MAGI2: variants seen among roughly 807,000 people sequenced by gnomAD.
MAGI2 encodes the protein membrane associated guanylate kinase, WW and PDZ domain containing 2.
In MAGI2, 35 loss-of-function variants were observed where a neutral mutation model predicts 133.3. The observed-to-expected ratio is 0.26, with a 90% confidence interval of 0.20 to 0.35. The LOEUF (loss-of-function observed/expected upper bound fraction) is 0.35. Among genes scored for constraint, MAGI2 ranks in the 10% least tolerant of loss-of-function variants. The probability of loss-of-function intolerance (pLI) is 1.00; values close to 1 mark genes in which losing one functional copy is unlikely to be tolerated. For missense variants in MAGI2, 1,636 were observed against 1,863.4 expected (o/e 0.88, Z 2.25); for synonymous variants, 729 against 710.6 (o/e 1.03, Z -0.41).
chr7:78,512,504 C>CA (rs1374081127), intron 4 of MAGI2, among the ~76,000 whole-genome samples: 1 of 152,190 alleles, frequency 6.6e-6, no homozygotes, highest in Admixed American at 6.5e-5. Context: ...CTCCCGGGTT[C>CA]AAGCGATTCT....
rs558081147 is a variant in MAGI2, at chr7:78,579,408, G to T, written c.538+47712C>A. On this transcript the variant is annotated intron_variant, in intron 3 of 21. Transcript: ENST00000354212. ...TGAAGACAAACAAGAAGCAGCAGAG[G>T]CAGGAAAGCTCTTTGCCTTCCATTT... is the stretch of plus-strand genomic sequence containing the variant. Among the ~76,000 whole-genome samples, 32 of 152,248 alleles carry T rather than the reference G, an allele frequency of 2.1e-4. No homozygotes were observed. The South Asian group carries it at 6.6e-3, about 32-fold the overall frequency.
rs71515391 is a variant in MAGI2 at position 78,161,667 on chromosome 7, T to TAAAAAAAAAAAAAAA, written c.2597-1409_2597-1395dup. On this transcript the variant is annotated intron_variant, in intron 15 of 21. Transcript: ENST00000354212. ...AGAGACGTTTTGTTACATCGATACC[T>TAAAAAAAAAAAAAAA]AAAAAAAAAAAAAAAAAAAAGAAAA... 1.1e-3 allele frequency among the ~76,000 whole-genome samples: 74 copies of TAAAAAAAAAAAAAAA among 68,894 alleles called. 3 individuals are homozygous for TAAAAAAAAAAAAAAA. Among genetic ancestry groups the TAAAAAAAAAAAAAAA allele is most frequent in the Middle Eastern group, 0.01 (1 of 98 alleles). 45.2% of individuals were successfully genotyped at this position (68,894 alleles called of 152,430 possible).
chr7:78,913,927 C>T (rs1212479167), intron 2 of MAGI2, among the ~76,000 whole-genome samples: 2 of 152,180 alleles, frequency 1.3e-5, no homozygotes, highest in African/African-American at 2.4e-5. Context: ...CTCCTACCCT[C>T]CCAATAAGAA....
intron 1 of MAGI2, among the ~76,000 whole-genome samples, chr7:79,192,449 A>G (rs995697253): frequency 2.0e-5 from 3 of 151,892 alleles, no homozygotes; most frequent in Non-Finnish European, 4.4e-5. Context: ...AATTTATAAT[A>G]TATTGAGGGT....
At chr7:79,372,281 G>A (rs1175496427) in intron 1 of MAGI2, among the ~76,000 whole-genome samples, 1 of 152,084 alleles carries the variant, frequency 6.6e-6, no homozygotes, top group African/African-American at 2.4e-5. Flanking sequence ...TTCAAAGAAT[G>A]AAACTATCCC....
chr7:78,299,184 A>G (rs1797610443), intron 9 of MAGI2, among the ~76,000 whole-genome samples: 1 of 152,212 alleles, frequency 6.6e-6, no homozygotes, highest in African/African-American at 2.4e-5. Flanking sequence ...AAAGTAAAAT[A>G]ACGTATGGCA....
At chr7:78,996,762 T>A (rs569576490) in intron 2 of MAGI2, among the ~76,000 whole-genome samples, 1 of 152,320 alleles carries the variant, frequency 6.6e-6, no homozygotes, top group East Asian at 1.9e-4. Context: ...TTGCCAATTC[T>A]GCAGGTACTA....
At chr7:79,270,005 T>C (rs576560616) in intron 1 of MAGI2, among the ~76,000 whole-genome samples, 1 of 152,184 alleles carries the variant, frequency 6.6e-6, no homozygotes, top group Non-Finnish European at 1.5e-5. Flanking sequence ...ACATCACTTC[T>C]GTAAAACTTA....
Position 78,161,667 on chromosome 7 carries a change from T to TAAAAAAAAAAAAAAAAAAAAAAA in MAGI2, c.2597-1395_2597-1394insTTTTTTTTTTTTTTTTTTTTTTT, listed in dbSNP as rs71515391. Among the ~76,000 whole-genome samples the TAAAAAAAAAAAAAAAAAAAAAAA allele has an allele frequency of 1.7e-3, 119 of 68,908 alleles. 5 individuals carry two copies. The highest frequency in any genetic ancestry group is 5.4e-3 in the East Asian group (10 of 1,866). The allele number at this position is 68,908 out of a possible 152,430, so 45.2% of individuals were successfully genotyped here. Reference sequence around the variant, plus strand: ...AGAGACGTTTTGTTACATCGATACCTAAAAAAAAAAAAAAAAAAAAGAAAA... The same window carrying TAAAAAAAAAAAAAAAAAAAAAAA: ...AGAGACGTTTTGTTACATCGATACCTAAAAAAAAAAAAAAAAAAAAAAAAAAAAAAAAAAAAAAAAAAAGAAAA... On this transcript the variant is annotated intron_variant, in intron 15 of 21. Transcript: ENST00000354212.
At chr7:78,647,795 A>C (rs1584955142) in intron 2 of MAGI2, among the ~76,000 whole-genome samples, 1 of 152,176 alleles carries the variant, frequency 6.6e-6, no homozygotes, top group Non-Finnish European at 1.5e-5. Context: ...GCCCATATAC[A>C]CCATGGAATA....
chr7:79,321,543 C>T (rs368543790), intron 1 of MAGI2, among the ~76,000 whole-genome samples: 1 of 152,288 alleles, frequency 6.6e-6, no homozygotes, highest in East Asian at 1.9e-4. Context: ...AAAGGCAGTG[C>T]TTCCATAACA....
At position 79,292,583 on chromosome 7, in the gene MAGI2, A is replaced by T. The variant is rs577371716; in HGVS notation, c.301+160437T>A. On this transcript the variant is annotated intron_variant, in intron 1 of 21. Transcript: ENST00000354212. Reference sequence around the variant, plus strand: ...GAGAAACAGAGGTTGCCGTGAGCTGAGAGCATGCCACTGCACTCCAGCCTG... The same window carrying T: ...GAGAAACAGAGGTTGCCGTGAGCTGTGAGCATGCCACTGCACTCCAGCCTG... Among the ~76,000 whole-genome samples, 78 of 151,984 alleles carry T rather than the reference A, an allele frequency of 5.1e-4. 2 individuals carry two copies. The South Asian group carries it at 5.6e-3, about 11-fold the overall frequency.
intron 6 of MAGI2, among the ~76,000 whole-genome samples, chr7:78,461,027 G>T (rs539848279): frequency 6.6e-6 from 1 of 151,466 alleles, no homozygotes; most frequent in African/African-American, 2.4e-5. Context: ...GCCTTTCTTC[G>T]TTCTTTCTAA....
chr7:79,422,575 T>A (rs573507495), intron 1 of MAGI2, among the ~76,000 whole-genome samples: 2 of 152,110 alleles, frequency 1.3e-5, no homozygotes, highest in South Asian at 4.1e-4. Flanking sequence ...TGACAAAAAA[T>A]AAAATTCAGT....
intron 2 of MAGI2, among the ~76,000 whole-genome samples, chr7:78,869,839 A>AC: frequency 6.6e-6 from 1 of 152,308 alleles, no homozygotes; most frequent in Non-Finnish European, 1.5e-5. Context: ...CACAAAGGCT[A>AC]ACCATCAGTG....
chr7:78,582,785 C>G (rs1802978097), intron 3 of MAGI2, among the ~76,000 whole-genome samples: 1 of 152,124 alleles, frequency 6.6e-6, no homozygotes, highest in African/African-American at 2.4e-5. Context: ...AAAATGGGAC[C>G]AGTTACATTG....
chr7:78,574,474 C>T (rs1454293877), intron 3 of MAGI2, among the ~76,000 whole-genome samples: 1 of 152,212 alleles, frequency 6.6e-6, no homozygotes, highest in African/African-American at 2.4e-5. Flanking sequence ...AAATTAAACA[C>T]ATGTGTTCAC....
chr7:78,994,058 G>A (rs184133741), intron 2 of MAGI2, among the ~76,000 whole-genome samples: 76 of 151,892 alleles, frequency 5.0e-4, no homozygotes, highest in African/African-American at 1.6e-3. Context: ...GCCTAGTGAA[G>A]GGATCCAGCT....
intron 1 of MAGI2, among the ~76,000 whole-genome samples, chr7:79,126,374 A>C (rs1820406856): frequency 6.6e-6 from 1 of 152,204 alleles, no homozygotes; most frequent in Admixed American, 6.5e-5. Flanking sequence ...ATGAGTGTGC[A>C]TATAAGATAG....
Sources: allele counts gnomAD v4.1 joint callset (sites outside exome capture counted in the v4.1 genomes callset), GRCh38; gene constraint gnomAD v4.1.1; transcripts MANE v1.5; gene names NCBI Gene and HGNC (gene_info 2026-07-23, HGNC 2026-07-21).